Variants in CHSY3 observed in about 807,000 individuals in gnomAD.
The protein encoded by CHSY3 is chondroitin sulfate synthase 3.
In CHSY3, 35 loss-of-function variants were observed where a neutral mutation model predicts 67.2. The observed-to-expected ratio is 0.52, with a 90% CI of 0.40 to 0.69. The LOEUF (loss-of-function observed/expected upper bound fraction) is 0.69, where lower values mean the gene tolerates loss of function less well. CHSY3 is among the 30% of genes least tolerant of loss of function. The probability of loss-of-function intolerance (pLI) is 0.00; values close to 1 mark genes in which losing one functional copy is unlikely to be tolerated. For missense variants in CHSY3, 1,069 were observed against 1,138.5 expected (o/e 0.94, Z 0.88); for synonymous variants, 474 against 434.7 (o/e 1.09, Z -1.12).
At chr5:129,937,839 A>T (rs1157189812) in intron 2 of CHSY3, among the ~76,000 whole-genome samples, 2 of 152,126 alleles carry the variant, frequency 1.3e-5, no homozygotes, top group Non-Finnish European at 2.9e-5. Flanking sequence ...GGCTACACTG[A>T]TGCAAGGGTT....
intron 2 of CHSY3, among the ~76,000 whole-genome samples, chr5:130,105,847 G>C (rs1767395268): frequency 6.6e-6 from 1 of 151,560 alleles, no homozygotes; most frequent in African/African-American, 2.4e-5. Context: ...AAAAGTGATA[G>C]GCAGCAATTC....
intron 2 of CHSY3, among the ~76,000 whole-genome samples, chr5:130,171,816 A>G (rs1047012427): frequency 6.6e-6 from 1 of 152,212 alleles, no homozygotes; most frequent in Non-Finnish European, 1.5e-5. Context: ...CTTCTTCAAA[A>G]TCATACAGAG....
At chr5:129,978,787 GA>G (rs1206548410) in intron 2 of CHSY3, among the ~76,000 whole-genome samples, 1 of 151,984 alleles carries the variant, frequency 6.6e-6, no homozygotes, top group African/African-American at 2.4e-5. Flanking sequence ...CCCGAAAAAG[GA>G]AATATATTTG....
intron 2 of CHSY3, chr5:130,140,643 C>T: frequency 2.6e-6 from 1 of 382,546 alleles, no homozygotes; most frequent in Non-Finnish European, 4.7e-6. Flanking sequence ...GATGTGTCAA[C>T]CCTCATTGTT....
rs924878022 is a variant in CHSY3, at chr5:129,905,366, C to A, written c.537C>A (p.Thr179=). The A allele has an allele frequency of 1.9e-6, 3 of 1,582,222 alleles. No homozygotes were observed. Among genetic ancestry groups the A allele is most frequent in the Admixed American group, 3.6e-5 (2 of 55,586 alleles). ...ACTTCCTGTACGTGGGGGTGATGAC[C>A]GCGCAGAAGTACCTGGGCAGCCGCG... ...PRDFLYVGVM[T]AQKYLGSRAL... is the part of the protein sequence containing the mutation. Residue 179 remains threonine (T), a synonymous_variant, in exon 1 of 3, where the codon ACC becomes ACA. Coordinates refer to ENST00000305031, the MANE Select transcript of CHSY3 (RefSeq NM_175856.5).
intron 2 of CHSY3, chr5:129,975,132 C>G (rs541577989): frequency 5.9e-5 from 9 of 151,888 alleles, no homozygotes; most frequent in Non-Finnish European, 1.0e-4. Context: ...TGCTAAATGA[C>G]GAGTTAATGG....
intron 2 of CHSY3, among the ~76,000 whole-genome samples, chr5:129,996,782 T>C (rs1763552639): frequency 6.6e-6 from 1 of 152,114 alleles, no homozygotes; most frequent in Non-Finnish European, 1.5e-5. Flanking sequence ...CACTCCTACA[T>C]CATTTGCATT....
intron 2 of CHSY3, among the ~76,000 whole-genome samples, chr5:129,962,840 C>T (rs1254990070): frequency 6.6e-6 from 1 of 152,002 alleles, no homozygotes; most frequent in Non-Finnish European, 1.5e-5. Context: ...GAATTATCAT[C>T]CAGAAGAGCC....
intron 2 of CHSY3, among the ~76,000 whole-genome samples, chr5:129,961,558 A>G (rs990789780): frequency 3.3e-5 from 5 of 152,004 alleles, no homozygotes; most frequent in Admixed American, 2.6e-4. Context: ...AAAGTTCTAA[A>G]CTGCTCCAGG....
chr5:129,980,210 C>T (rs1216461733), intron 2 of CHSY3, among the ~76,000 whole-genome samples: 2 of 152,184 alleles, frequency 1.3e-5, no homozygotes, highest in Non-Finnish European at 2.9e-5. Context: ...GCACTCATCC[C>T]AGCAATAAAT....
intron 2 of CHSY3, among the ~76,000 whole-genome samples, chr5:130,048,603 G>T (rs935607680): frequency 6.6e-6 from 1 of 151,990 alleles, no homozygotes; most frequent in African/African-American, 2.4e-5. Context: ...AGTTAGGGAA[G>T]AAACAACTTC....
intron 2 of CHSY3, among the ~76,000 whole-genome samples, chr5:129,926,853 T>A (rs1397588796): frequency 1.3e-5 from 2 of 151,932 alleles, no homozygotes; most frequent in Non-Finnish European, 2.9e-5. Flanking sequence ...TATTTATATA[T>A]TCAATTCACT....
rs548793471 is a variant in CHSY3, at chr5:130,080,142, G to A, written c.1087-104087G>A. ...TATACATAAAATGTATATCTATCAT[G>A]CTACTGTTTCTGCAAGCTACAGGTA... On this transcript the variant is annotated intron_variant, in intron 2 of 2. Coordinates refer to ENST00000305031, the MANE Select transcript of CHSY3 (RefSeq NM_175856.5). Among the ~76,000 whole-genome samples the A allele has an allele frequency of 2.6e-5, 4 of 151,308 alleles. No homozygotes were observed. The East Asian group carries it at 5.9e-4, about 22-fold the overall frequency.
At chr5:130,007,511 G>C (rs1763908551) in intron 2 of CHSY3, among the ~76,000 whole-genome samples, 1 of 152,168 alleles carries the variant, frequency 6.6e-6, no homozygotes, top group Non-Finnish European at 1.5e-5. Context: ...TTGGTCCTGT[G>C]TGCTTCCTGG....
intron 2 of CHSY3, among the ~76,000 whole-genome samples, chr5:130,020,308 T>C (rs189046721): frequency 8.6e-5 from 13 of 151,370 alleles, no homozygotes; most frequent in African/African-American, 2.9e-4. Flanking sequence ...GTAGTCCAGC[T>C]ACTCGGGAGG....
chr5:130,078,347 A>T (rs926812705), intron 2 of CHSY3, among the ~76,000 whole-genome samples: 1 of 152,170 alleles, frequency 6.6e-6, no homozygotes, highest in East Asian at 1.9e-4. Context: ...GGGTGTGTGT[A>T]TTGTTTCATG....
chr5:129,924,390 G>C (rs965986993), intron 2 of CHSY3, among the ~76,000 whole-genome samples: 1 of 152,106 alleles, frequency 6.6e-6, no homozygotes, highest in Non-Finnish European at 1.5e-5. Context: ...GCTCATGCCT[G>C]TAATCCCAGC....
At chr5:130,068,817 A>G (rs1452934965) in intron 2 of CHSY3, among the ~76,000 whole-genome samples, 1 of 152,018 alleles carries the variant, frequency 6.6e-6, no homozygotes, top group Non-Finnish European at 1.5e-5. Flanking sequence ...TCACTTTCAC[A>G]CATTTATATA....
At position 130,185,413 on chromosome 5, in the gene CHSY3, G is replaced by A. The variant is rs558536665; in HGVS notation, c.2271G>A (p.Gly757=). ...FSQYDPKVTN[G]GNPPTDDYFI... is the part of the protein sequence containing the mutation. ...AGTATGACCCAAAGGTAACAAACGG[G>A]GGAAATCCTCCCACTGATGATTACT... Residue 757 remains glycine, a synonymous_variant, in exon 3 of 3, where the codon GGG becomes GGA. Coordinates refer to ENST00000305031, the MANE Select transcript of CHSY3 (RefSeq NM_175856.5). 8.1e-6 allele frequency: 13 copies of A among 1,613,570 alleles called. No homozygotes were observed. The African/African-American group carries it at 1.1e-4, about 13-fold the overall frequency.
Sources: gnomAD v4.1 joint callset for allele counts (sites outside exome capture counted in the v4.1 genomes callset) on GRCh38, gnomAD v4.1.1 for gene constraint, MANE v1.5 for transcripts, NCBI Gene and HGNC (gene_info 2026-07-23, HGNC 2026-07-21) for gene names.